Variants in PHYHIPL observed in about 807,000 individuals in gnomAD.
PHYHIPL encodes phytanoyl-CoA hydroxylase-interacting protein-like.
Under a neutral mutation model 33.4 loss-of-function variants are expected in PHYHIPL, and 9 were observed. That is an observed-to-expected ratio of 0.27 (90% CI 0.16 to 0.47). The LOEUF is 0.47. PHYHIPL is among the 20% of genes least tolerant of loss of function. The pLI, the probability that PHYHIPL is intolerant of heterozygous loss-of-function variation, is 0.99. For missense variants in PHYHIPL, 365 were observed against 460.7 expected, an observed-to-expected ratio of 0.79 and a Z score of 1.90; for synonymous variants, 153 against 154.1, an observed-to-expected ratio of 0.99 and a Z score of 0.05.
chr10:59,181,925 A>G (rs1213703716), intron 1 of PHYHIPL, among the ~76,000 whole-genome samples: 1 of 152,208 alleles, frequency 6.6e-6, no homozygotes, highest in East Asian at 1.9e-4. Flanking sequence ...TTTGTTGCCT[A>G]GGTAGGCCCG....
intron 1 of PHYHIPL, among the ~76,000 whole-genome samples, chr10:59,200,801 G>A (rs1037779858): frequency 6.6e-6 from 1 of 151,974 alleles, no homozygotes; most frequent in East Asian, 1.9e-4. Flanking sequence ...TGTATGTGTC[G>A]AAGAATTTAT....
chr10:59,199,836 C>G (rs1839043281), intron 1 of PHYHIPL, among the ~76,000 whole-genome samples: 1 of 152,128 alleles, frequency 6.6e-6, no homozygotes, highest in Admixed American at 6.6e-5. Flanking sequence ...TGGAATTTCA[C>G]TCATGATTTG....
intron 1 of PHYHIPL, chr10:59,177,405 C>A (rs914883345): frequency 2.1e-6 from 3 of 1,405,018 alleles, no homozygotes; most frequent in Non-Finnish European, 2.8e-6. Context: ...TTATCATTTT[C>A]TTTTTTAAAC....
intron 1 of PHYHIPL, among the ~76,000 whole-genome samples, chr10:59,210,949 TA>T: frequency 6.6e-6 from 1 of 152,036 alleles, no homozygotes; most frequent in Non-Finnish European, 1.5e-5. Context: ...AGGAGAGGGA[TA>T]GCATTAGGAG....
chr10:59,238,784 G>A, intron 4 of PHYHIPL, 79 bp downstream of exon 4: 1 of 805,458 alleles, frequency 1.2e-6, no homozygotes, highest in South Asian at 2.2e-5. Flanking sequence ...CTTGACTCTA[G>A]TTTTGTCGAA....
At chr10:59,238,873 G>A in intron 4 of PHYHIPL, 168 bp downstream of exon 4, 1 of 520,540 alleles carries the variant, frequency 1.9e-6, no homozygotes, top group South Asian at 2.5e-5. Context: ...AAGATCATGG[G>A]ATTTTTTTCT....
intron 1 of PHYHIPL, among the ~76,000 whole-genome samples, chr10:59,208,272 C>G (rs776011289): frequency 1.3e-5 from 2 of 152,184 alleles, no homozygotes; most frequent in Non-Finnish European, 2.9e-5. Context: ...TGGTAATACC[C>G]AGGCAAACAG....
At chr10:59,182,273 C>T in intron 1 of PHYHIPL, among the ~76,000 whole-genome samples, 2 of 152,062 alleles carry the variant, frequency 1.3e-5, no homozygotes, top group African/African-American at 4.8e-5. Flanking sequence ...ATCTTTTTAT[C>T]CTTTATTAAT....
At position 59,176,655 on chromosome 10, in the gene PHYHIPL, T is replaced by G. The variant is rs1256936808; in HGVS notation, c.-199T>G. 3 of 543,184 alleles carry G rather than the reference T, an allele frequency of 5.5e-6. No individual in the cohort carries two copies. The highest frequency in any genetic ancestry group is 3.3e-6 in the Non-Finnish European group (1 of 306,968). 33.6% of individuals were successfully genotyped at this position (543,184 alleles called of 1,614,324 possible). ...TGCTCGGTCTCTCAGAGCCGCACAC[T>G]CCGCGGAGCTCCTGCCACAGCCGTC... On this transcript the variant is annotated 5_prime_UTR_variant, in exon 1 of 5. Transcript: ENST00000373880.
intron 1 of PHYHIPL, among the ~76,000 whole-genome samples, chr10:59,225,759 C>T (rs1183656186): frequency 6.6e-6 from 1 of 152,032 alleles, no homozygotes; most frequent in African/African-American, 2.4e-5. Context: ...ATGTAACTAC[C>T]CCTTCAGATT....
chr10:59,181,641 C>T (rs540436006), intron 1 of PHYHIPL, among the ~76,000 whole-genome samples: 10 of 152,138 alleles, frequency 6.6e-5, no homozygotes, highest in Non-Finnish European at 1.2e-4. Context: ...TACTAGGACA[C>T]GTAGCATGTA....
At chr10:59,221,821 A>T (rs1179809422) in intron 1 of PHYHIPL, 1 of 458,396 alleles carries the variant, frequency 2.2e-6, no homozygotes, top group African/African-American at 2.1e-5. Flanking sequence ...TGGGCTTCAG[A>T]GTCTGAAGTT....
At chr10:59,213,604 A>G (rs1342254904) in intron 1 of PHYHIPL, among the ~76,000 whole-genome samples, 1 of 152,146 alleles carries the variant, frequency 6.6e-6, no homozygotes, top group East Asian at 1.9e-4. Context: ...AACTTTGGTG[A>G]TTATAATCAG....
At chr10:59,206,859 TCTC>T in intron 1 of PHYHIPL, 1 of 1,054,740 alleles carries the variant, frequency 9.5e-7, no homozygotes, top group Non-Finnish European at 1.2e-6. Flanking sequence ...GTGCACTTCA[TCTC>T]CTGCACTAGT....
At chr10:59,233,662 A>T (rs892177623) in intron 1 of PHYHIPL, among the ~76,000 whole-genome samples, 2 of 151,834 alleles carry the variant, frequency 1.3e-5, no homozygotes, top group Non-Finnish European at 3.0e-5. Context: ...ACTAGTTGTC[A>T]TATAAATTCT....
Position 59,228,333 on chromosome 10 carries a change from T to C in PHYHIPL, c.107-5971T>C, listed in dbSNP as rs77668713. Among the ~76,000 whole-genome samples, 1,120 of 152,278 alleles carry C rather than the reference T, an allele frequency of 7.4e-3. 17 individuals carry two copies. The highest frequency in any genetic ancestry group is 0.026 in the African/African-American group (1,065 of 41,568). On this transcript the variant is annotated intron_variant, in intron 1 of 4. Coordinates refer to ENST00000373880, the MANE Select transcript of PHYHIPL (RefSeq NM_032439.4). ...TGTAAATGTTATTAATAAAGTGATA[T>C]TTGTTTTTTCCTAAAAGTTCCAACA...
At chr10:59,237,420 A>C (rs888716001) in intron 3 of PHYHIPL, among the ~76,000 whole-genome samples, 3 of 151,954 alleles carry the variant, frequency 2.0e-5, no homozygotes, top group African/African-American at 7.2e-5. Flanking sequence ...GTCTTTTAGA[A>C]AGAAACTTTG....
chr10:59,222,522 A>G (rs1839806493), intron 1 of PHYHIPL, among the ~76,000 whole-genome samples: 1 of 152,108 alleles, frequency 6.6e-6, no homozygotes, highest in Admixed American at 6.5e-5. Context: ...TGATCTGCAA[A>G]GTGATTTAGT....
In PHYHIPL at chr10:59,234,411, A is replaced by G. The variant is rs777524278; in HGVS notation, c.214A>G (p.Met72Val). The change falls in exon 2 of 5, where the codon ATG becomes GTG. Residue 72 changes from methionine (M) to valine (V), a missense_variant. By Grantham distance (21) the Met-to-Val change is conservative. This residue lies in a region of PHYHIPL where 63 missense variants were observed against 119.3 expected (regional missense o/e 0.53). Transcript: ENST00000373880. Reference sequence around the variant, plus strand: ...TGACTCATTCAAGATTTCATGGGAAATGGATTCAAAATCAAAGGATCGCAT... The same window carrying G: ...TGACTCATTCAAGATTTCATGGGAAGTGGATTCAAAATCAAAGGATCGCAT... ...TCDSFKISWEMDSKSKDRITH... is the reference protein window; with the variant it reads ...TCDSFKISWEVDSKSKDRITH... 1 of 1,604,704 alleles carries G rather than the reference A, an allele frequency of 6.2e-7. No homozygotes were observed. Among genetic ancestry groups the G allele is most frequent in the Non-Finnish European group, 8.5e-7 (1 of 1,176,646 alleles).
Sources: allele counts gnomAD v4.1 joint callset (sites outside exome capture counted in the v4.1 genomes callset), GRCh38; gene constraint gnomAD v4.1.1; regional missense constraint gnomAD v4.1.1; transcripts MANE v1.5; gene names NCBI Gene and HGNC (gene_info 2026-07-23, HGNC 2026-07-21).